Variants in RFX8 observed in about 807,000 individuals in gnomAD.
The protein encoded by RFX8 is regulatory factor X8, also known as DNA-binding protein RFX8.
A neutral mutation model predicts 54.6 loss-of-function variants in RFX8; 46 were observed. The ratio of observed to expected loss-of-function variants is 0.84; its 90% CI spans 0.67 to 1.08. The LOEUF is 1.08. RFX8 is among the 50% of genes least tolerant of loss of function. The probability of loss-of-function intolerance (pLI) is 0.00; values close to 1 mark genes in which losing one functional copy is unlikely to be tolerated. For missense variants in RFX8, 536 were observed against 562.3 expected (o/e 0.95, Z 0.47); for synonymous variants, 192 against 209.5 (o/e 0.92, Z 0.72).
chr2:101,410,733 AC>A lies in RFX8; in HGVS notation c.719-21del. On this transcript the variant is annotated intron_variant, in intron 8 of 11. Coordinates refer to ENST00000428343, the MANE Select transcript of RFX8 (RefSeq NM_001145664.2). ...TTAAACCTACAAAGACACAAAATAA[AC>A]AAACAAAAGATTGCATGCAGCAGAG... 7.6e-7 allele frequency: 1 copy of A among 1,313,248 alleles called. No homozygotes were observed. 81.3% of individuals were successfully genotyped at this position (1,313,248 alleles called of 1,614,324 possible).
At chr2:101,418,634 G>T (rs1034639898) in intron 5 of RFX8, among the ~76,000 whole-genome samples, 1 of 152,178 alleles carries the variant, frequency 6.6e-6, no homozygotes, top group Non-Finnish European at 1.5e-5. Context: ...TGGAACCAGA[G>T]GTTACTATGT....
intron 2 of RFX8, among the ~76,000 whole-genome samples, chr2:101,461,318 G>T (rs1018263927): frequency 1.3e-5 from 2 of 148,246 alleles, no homozygotes; most frequent in Non-Finnish European, 3.0e-5. Context: ...AATGACAGGA[G>T]ACAAAAGGAA....
rs552935296 is a variant in RFX8, at chr2:101,407,056, T to A, written c.814-999A>T. ...CCATCTGTAAGCCATGAGTCATGGA[T>A]TTCAAATGCATCTGTTGATATGCAT... On this transcript the variant is annotated intron_variant, in intron 9 of 11. Coordinates refer to ENST00000428343, the MANE Select transcript of RFX8 (RefSeq NM_001145664.2). Among the ~76,000 whole-genome samples, 3 of 152,308 alleles carry A rather than the reference T, an allele frequency of 2.0e-5. No individual in the cohort carries two copies. In the South Asian group the frequency reaches 6.2e-4, roughly 32 times the overall value.
At chr2:101,452,071 C>T (rs111595173) in intron 2 of RFX8, among the ~76,000 whole-genome samples, 16 of 152,282 alleles carry the variant, frequency 1.1e-4, no homozygotes, top group African/African-American at 3.6e-4. Context: ...CCAGCCTGGG[C>T]AACAGTTGCA....
intron 2 of RFX8, among the ~76,000 whole-genome samples, chr2:101,453,965 C>T (rs894045839): frequency 1.4e-4 from 21 of 152,156 alleles, no homozygotes; most frequent in Non-Finnish European, 1.8e-4. Flanking sequence ...TTGTTACGTA[C>T]GTATACATGT....
At chr2:101,440,677 T>A (rs1688049851) in intron 2 of RFX8, among the ~76,000 whole-genome samples, 1 of 152,180 alleles carries the variant, frequency 6.6e-6, no homozygotes, top group Non-Finnish European at 1.5e-5. Flanking sequence ...CTGTCATAAA[T>A]CTTAGCCATG....
chr2:101,465,454 G>C (rs946206624), intron 2 of RFX8, among the ~76,000 whole-genome samples: 1 of 152,166 alleles, frequency 6.6e-6, no homozygotes, highest in Non-Finnish European at 1.5e-5. Context: ...AGGTTGCAGT[G>C]AGCCAAGATC....
chr2:101,417,031 C>T (rs547918469), intron 6 of RFX8, among the ~76,000 whole-genome samples: 1 of 152,156 alleles, frequency 6.6e-6, no homozygotes, highest in Non-Finnish European at 1.5e-5. Context: ...AGAGAAATAG[C>T]TTAAAAGGGT....
intron 1 of RFX8, among the ~76,000 whole-genome samples, chr2:101,471,499 A>C (rs1200838005): frequency 6.6e-6 from 1 of 152,200 alleles, no homozygotes; most frequent in Non-Finnish European, 1.5e-5. Flanking sequence ...GAAATTTGTA[A>C]AAGTCTATGT....
intron 1 of RFX8, among the ~76,000 whole-genome samples, chr2:101,469,264 C>T (rs1689842940): frequency 6.6e-6 from 1 of 150,628 alleles, no homozygotes; most frequent in Non-Finnish European, 1.5e-5. Flanking sequence ...AAGGGATCCT[C>T]CTGCCTTAGC....
At position 101,406,180 on chromosome 2, in the gene RFX8, G is replaced by T. The variant is rs1461348513; in HGVS notation, c.814-123C>A. ...TTAAAGAGCCAAAGAAGAGGAAGAT[G>T]AAATAACAAAAGCGGGAACTGAGGC... On this transcript the variant is annotated intron_variant, in intron 9 of 11. Coordinates refer to ENST00000428343, the MANE Select transcript of RFX8 (RefSeq NM_001145664.2). The T allele has an allele frequency of 6.9e-6, 4 of 576,962 alleles. No individual in the cohort carries two copies. In the African/African-American group the frequency reaches 7.6e-5, roughly 11 times the overall value. 35.7% of individuals were successfully genotyped at this position (576,962 alleles called of 1,614,324 possible). A position where few individuals can be genotyped will look rare whatever the true frequency, so the allele number is the denominator to read the frequency against.
intron 2 of RFX8, among the ~76,000 whole-genome samples, chr2:101,439,013 A>G (rs1370472537): frequency 6.6e-6 from 1 of 152,052 alleles, no homozygotes; most frequent in Non-Finnish European, 1.5e-5. Context: ...GGGTTTCACT[A>G]TGTTGGTCAG....
At chr2:101,440,205 A>G (rs575786493) in intron 2 of RFX8, among the ~76,000 whole-genome samples, 1 of 152,248 alleles carries the variant, frequency 6.6e-6, no homozygotes, top group South Asian at 2.1e-4. Flanking sequence ...CCACAGGGTT[A>G]TGCAGCTGTG....
intron 4 of RFX8, 191 bp downstream of exon 4, chr2:101,421,533 G>A (rs1016691377): frequency 1.5e-6 from 2 of 1,302,500 alleles, no homozygotes; most frequent in East Asian, 6.0e-5. Context: ...TGATTACACT[G>A]AATATCGATC....
intron 11 of RFX8, among the ~76,000 whole-genome samples, chr2:101,398,684 C>T (rs1339911944): frequency 6.6e-6 from 1 of 152,168 alleles, no homozygotes; most frequent in Non-Finnish European, 1.5e-5. Context: ...GCAAGTCTTC[C>T]TATCAGAGAA....
At position 101,397,559 on chromosome 2, in the gene RFX8, C is replaced by T; in HGVS notation, c.1411G>A (p.Ala471Thr). The T allele has an allele frequency of 1.9e-6, 3 of 1,541,428 alleles. No individual in the cohort carries two copies. The highest frequency in any genetic ancestry group is 2.6e-6 in the Non-Finnish European group (3 of 1,140,890). Residue 471 changes from alanine (A) to threonine (T), a missense_variant, in exon 12 of 12, where the codon GCT (alanine) becomes ACT (threonine). Coordinates refer to ENST00000428343, the MANE Select transcript of RFX8 (RefSeq NM_001145664.2). ...TCAAATAAATAATCTCACACATTAG[C>T]ATTGTTTTCTCTGAAATAAATATCT... ...SEDIYFRENN[A>T]NV
At position 101,402,434 on chromosome 2, in the gene RFX8, A is replaced by G. The variant is rs1573341180; in HGVS notation, c.1245+2T>C. 1.9e-6 allele frequency: 3 copies of G among 1,542,992 alleles called. No homozygotes were observed. The highest frequency in any genetic ancestry group is 1.8e-6 in the Non-Finnish European group (2 of 1,140,160). ...TGTGGAAGGGGGTCCTGGTGTCCCT[A>G]CCTTATTGCCCATGGCAGTGTCCAC... is the stretch of plus-strand genomic sequence containing the variant. On this transcript the variant is annotated splice_donor_variant, in intron 11 of 11. Transcript: ENST00000428343. LOFTEE classifies it high-confidence loss of function.
At position 101,469,058 on chromosome 2, in the gene RFX8, A is replaced by AAG. The variant is rs1558896457; in HGVS notation, c.-52-2159_-52-2158insCT. The stretch of plus-strand genomic sequence containing the variant: ...TATATATATGTATATATATATACGT[A>AAG]TATATATGTATATATATATAAGTGT... On this transcript the variant is annotated intron_variant, in intron 1 of 11. Transcript: ENST00000428343. Among the ~76,000 whole-genome samples the AAG allele has an allele frequency of 5.6e-3, 83 of 14,878 alleles. 3 individuals are homozygous for AAG. The highest frequency in any genetic ancestry group is 0.018 in the African/African-American group (65 of 3,554). 9.8% of individuals were successfully genotyped at this position (14,878 alleles called of 152,430 possible).
chr2:101,410,182 C>T lies in RFX8; in HGVS notation c.813+437G>A, dbSNP rs556699247. Among the ~76,000 whole-genome samples the T allele has an allele frequency of 2.0e-5, 3 of 152,092 alleles. No individual in the cohort carries two copies. In the South Asian group the frequency reaches 6.2e-4, roughly 32 times the overall value. The stretch of plus-strand genomic sequence containing the variant: ...CCACTTACACACATGCTCACACACA[C>T]TGTCACACACATGCTCACCTGTACA... On this transcript the variant is annotated intron_variant, in intron 9 of 11. Transcript: ENST00000428343.
Sources: allele counts gnomAD v4.1 joint callset (sites outside exome capture counted in the v4.1 genomes callset), GRCh38; gene constraint gnomAD v4.1.1; transcripts MANE v1.5; gene names NCBI Gene and HGNC (gene_info 2026-07-23, HGNC 2026-07-21).